Variants in PCDHA5 observed in about 807,000 individuals in gnomAD.
PCDHA5 encodes the protein protocadherin alpha 5, also known as protocadherin alpha-5.
A neutral mutation model predicts 61.6 loss-of-function variants in PCDHA5; 43 were observed. That is an observed-to-expected ratio of 0.70 (90% CI 0.55 to 0.90). The LOEUF (loss-of-function observed/expected upper bound fraction) is 0.90, where lower values mean the gene tolerates loss of function less well. Among genes scored for constraint, PCDHA5 ranks in the 40% least tolerant of loss-of-function variants. The pLI is 0.00. For missense variants in PCDHA5, 1,298 were observed against 1,222.7 expected (o/e 1.06, Z -0.92); for synonymous variants, 627 against 543.9 (o/e 1.15, Z -2.13).
In PCDHA5 at chr5:140,876,910, T is replaced by C. The variant is rs184817309; in HGVS notation, c.2352+52783T>C. On this transcript the variant is annotated intron_variant, in intron 1 of 3. Transcript: ENST00000529859. ...CTGCCACATCTTCACGGTGTCGGCA[T>C]GGGACGCGGACGCGCAGAAGAACGC... 5 of 1,613,976 alleles carry C rather than the reference T, an allele frequency of 3.1e-6. No individual in the cohort carries two copies. In the African/African-American group the frequency reaches 4.0e-5, roughly 13 times the overall value.
At chr5:140,912,523 A>G (rs550105639) in intron 1 of PCDHA5, among the ~76,000 whole-genome samples, 1 of 152,248 alleles carries the variant, frequency 6.6e-6, no homozygotes, top group East Asian at 1.9e-4. Context: ...TAGGGTTTTC[A>G]GAGTACATGA....
chr5:140,855,663 AC>A (rs1363800553), intron 1 of PCDHA5, among the ~76,000 whole-genome samples: 7 of 149,864 alleles, frequency 4.7e-5, no homozygotes, highest in Non-Finnish European at 1.0e-4. Flanking sequence ...GGAAGAAATC[AC>A]TACTCTGAGA....
chr5:140,987,453 A>C (rs2097255093), intron 3 of PCDHA5, among the ~76,000 whole-genome samples: 1 of 152,106 alleles, frequency 6.6e-6, no homozygotes, highest in South Asian at 2.1e-4. Context: ...CCGAGAGATA[A>C]TTGTTAAGAG....
In PCDHA5 at chr5:141,010,527, G is replaced by T; in HGVS notation, c.*590G>T. On this transcript the variant is annotated 3_prime_UTR_variant, in exon 4 of 4. Transcript: ENST00000529859. ...AAATCTTACAACTCAAGAGGTGGCA[G>T]CCACCCTCTAGGAGACAAAACTACC... The T allele has an allele frequency of 2.3e-6, 1 of 431,062 alleles. No homozygotes were observed. Among genetic ancestry groups the T allele is most frequent in the African/African-American group, 2.0e-5 (1 of 49,970 alleles). 26.7% of individuals were successfully genotyped at this position (431,062 alleles called of 1,614,324 possible).
chr5:140,928,861 A>C (rs781787998), intron 1 of PCDHA5: 3 of 1,614,164 alleles, frequency 1.9e-6, no homozygotes, highest in Non-Finnish European at 2.5e-6. Context: ...TGTGCTGTTG[A>C]GCAACTCTGT....
At chr5:140,939,537 C>T (rs2092406859) in intron 1 of PCDHA5, among the ~76,000 whole-genome samples, 1 of 150,686 alleles carries the variant, frequency 6.6e-6, no homozygotes, top group Non-Finnish European at 1.5e-5. Context: ...TATACAGAGC[C>T]TCTATTTCTT....
At chr5:140,977,097 G>T (rs988046010) in intron 1 of PCDHA5, among the ~76,000 whole-genome samples, 2 of 152,222 alleles carry the variant, frequency 1.3e-5, no homozygotes, top group African/African-American at 4.8e-5. Flanking sequence ...GTGTCATTGG[G>T]GAAGTGAGAT....
chr5:140,832,332 T>C (rs2150201022), intron 1 of PCDHA5, among the ~76,000 whole-genome samples: 5 of 152,348 alleles, frequency 3.3e-5, no homozygotes, highest in South Asian at 2.1e-4. Context: ...ATTAGAGGAC[T>C]GAGTTGTGGT....
chr5:140,848,218 A>T (rs1404023746), intron 1 of PCDHA5: 1 of 371,682 alleles, frequency 2.7e-6, no homozygotes, highest in Non-Finnish European at 4.8e-6. Flanking sequence ...TTAAGAAAAA[A>T]TTAAGAAAAT....
intron 1 of PCDHA5, chr5:140,883,164 A>G (rs559249411): frequency 1.2e-6 from 2 of 1,614,060 alleles, no homozygotes; most frequent in African/African-American, 1.3e-5. Context: ...AATCCGAACA[A>G]TGGAGAAATT....
In PCDHA5 at chr5:140,979,026, A is replaced by AT. The variant is rs2096832382; in HGVS notation, c.2411+21dup. On this transcript the variant is annotated intron_variant, in intron 2 of 3. Coordinates refer to ENST00000529859, the MANE Select transcript of PCDHA5 (RefSeq NM_018908.3). ...TGCACAGGTATGTATTTCCCTCCTC[A>AT]TTCACTCAGAAGTAACCTTAACTTG... 1 of 1,613,372 alleles carries AT rather than the reference A, an allele frequency of 6.2e-7. No homozygotes were observed. The highest frequency in any genetic ancestry group is 1.3e-5 in the African/African-American group (1 of 74,882).
At chr5:141,000,361 GTCTCTCTCTCTCTCTCTC>G (rs148596731) in intron 3 of PCDHA5, among the ~76,000 whole-genome samples, 25 of 26,446 alleles carry the variant, frequency 9.5e-4, no homozygotes, top group African/African-American at 4.9e-3. Context: ...GTCTCTCTCT[GTCTCTCTCTCTCTCTCTC>G]TCTCTCTCTC....
At chr5:140,946,720 A>C (rs1460843213) in intron 1 of PCDHA5, among the ~76,000 whole-genome samples, 4 of 150,970 alleles carry the variant, frequency 2.6e-5, no homozygotes, top group African/African-American at 9.8e-5. Flanking sequence ...ATGTTTAGTT[A>C]AATAAGCCAG....
At chr5:140,828,560 G>C (rs2150156766) in intron 1 of PCDHA5, 1 of 1,614,210 alleles carries the variant, frequency 6.2e-7, no homozygotes, top group South Asian at 1.1e-5. Context: ...ACTGGAGGGC[G>C]CGTCCGATGC....
In PCDHA5 at chr5:140,821,842, T is replaced by C. The variant is rs2150111141; in HGVS notation, c.67T>C (p.Trp23Arg). The C allele has an allele frequency of 1.2e-6, 2 of 1,614,060 alleles. No homozygotes were observed. Among genetic ancestry groups the C allele is most frequent in the African/African-American group, 1.3e-5 (1 of 74,938 alleles). The stretch of plus-strand genomic sequence containing the variant: ...GCTGCTCTGGCTTCTCCTTGCCTAC[T>C]GGAAGGCAGGGAGCGGCCAGCTCCA... ...LLLLWLLLAY[W>R]KAGSGQLHYS... is the part of the protein sequence containing the mutation. Residue 23 changes from tryptophan (W) to arginine (R), a missense_variant, in exon 1 of 4, where the codon TGG (tryptophan) becomes CGG (arginine). Trp to Arg is a moderately radical substitution (Grantham distance 101). Coordinates refer to ENST00000529859, the MANE Select transcript of PCDHA5 (RefSeq NM_018908.3).
chr5:140,950,028 A>G (rs1288516742), intron 1 of PCDHA5, among the ~76,000 whole-genome samples: 6 of 151,954 alleles, frequency 3.9e-5, no homozygotes, highest in Non-Finnish European at 8.8e-5. Flanking sequence ...TAAAATATAG[A>G]AAAGTTACAA....
At chr5:140,872,232 G>A (rs2053558420) in intron 1 of PCDHA5, among the ~76,000 whole-genome samples, 1 of 149,716 alleles carries the variant, frequency 6.7e-6, no homozygotes, top group South Asian at 2.1e-4. Flanking sequence ...CTTTACTTTT[G>A]TCTTTATTCC....
Position 140,824,611 on chromosome 5 carries a change from T to TTTTTTTTTTTTG in PCDHA5, c.2352+495_2352+496insGTTTTTTTTTTT, listed in dbSNP as rs1768219993. On this transcript the variant is annotated intron_variant, in intron 1 of 3. Coordinates refer to ENST00000529859, the MANE Select transcript of PCDHA5 (RefSeq NM_018908.3). Reference sequence around the variant, plus strand: ...GACTACATGCACATGCTAATTAAAGTTTTTTTTTTTTTTTTTTTTTTATTT... The same window carrying TTTTTTTTTTTTG: ...GACTACATGCACATGCTAATTAAAGTTTTTTTTTTTTGTTTTTTTTTTTTTTTTTTTTTATTT... 2 of 19,836 alleles carry TTTTTTTTTTTTG rather than the reference T, an allele frequency of 1.0e-4. 1 individual carries two copies. The highest frequency in any genetic ancestry group is 3.3e-4 in the African/African-American group (2 of 5,990). The allele number at this position is 19,836 out of a possible 1,614,324, so 1.2% of individuals were successfully genotyped here.
chr5:140,871,193 T>G (rs782048235), intron 1 of PCDHA5: 2 of 1,613,630 alleles, frequency 1.2e-6, no homozygotes, highest in African/African-American at 1.3e-5. Flanking sequence ...GATGTCAACG[T>G]GTACCTGATC....
Sources: allele counts gnomAD v4.1 joint callset (sites outside exome capture counted in the v4.1 genomes callset), GRCh38; gene constraint gnomAD v4.1.1; transcripts MANE v1.5; gene names NCBI Gene and HGNC (gene_info 2026-07-23, HGNC 2026-07-21).